Variants in OR51B5 observed in about 807,000 individuals in gnomAD.
OR51B5 encodes the protein olfactory receptor 51B5.
For synonymous variants in OR51B5, 186 were observed against 144.8 expected (o/e 1.28, Z -2.04); for missense variants, 456 against 374.6 (o/e 1.22, Z -1.79).
chr11:5,466,500 T>A (rs537809088), intron 1 of OR51B5, among the ~76,000 whole-genome samples: 2 of 152,268 alleles, frequency 1.3e-5, no homozygotes, highest in South Asian at 4.1e-4. Flanking sequence ...GACACTGAAA[T>A]GTTAGCATTA....
intron 1 of OR51B5, among the ~76,000 whole-genome samples, chr11:5,443,724 A>G (rs537857072): frequency 6.6e-6 from 1 of 152,074 alleles, no homozygotes; most frequent in African/African-American, 2.4e-5. Context: ...CCATGGAGAA[A>G]ATTCCCCACC....
chr11:5,389,297 G>A (rs959186970), intron 1 of OR51B5: 2 of 1,111,888 alleles, frequency 1.8e-6, no homozygotes, highest in Non-Finnish European at 2.6e-6. Flanking sequence ...AATACTAAAG[G>A]TGATGATGAC....
intron 1 of OR51B5, among the ~76,000 whole-genome samples, chr11:5,485,651 A>C (rs2133811275): frequency 6.6e-6 from 1 of 151,986 alleles, no homozygotes; most frequent in Admixed American, 6.6e-5. Context: ...CTGCTTCCAA[A>C]CCCATCAGGC....
At chr11:5,492,471 G>T (rs943428831) in intron 1 of OR51B5, among the ~76,000 whole-genome samples, 2 of 151,978 alleles carry the variant, frequency 1.3e-5, no homozygotes, top group Admixed American at 1.3e-4. Context: ...TTGTGATTTA[G>T]ATTATTCTCT....
rs36189500 is a variant in OR51B5, at chr11:5,417,581, G to GA, written n.85-70672dup. On this transcript the variant is annotated intron_variant and non_coding_transcript_variant, in intron 1 of 4. Transcript: ENST00000415970. ...ACAATGAACTCAAACAAATTTACAAGAAAAAAAAAACCCCATCCAAAAGTG... is the reference window on the plus strand; with the variant it reads ...ACAATGAACTCAAACAAATTTACAAGAAAAAAAAAAACCCCATCCAAAAGTG... Among the ~76,000 whole-genome samples, 5,406 of 142,670 alleles carry GA rather than the reference G, an allele frequency of 0.038. 459 individuals are homozygous for GA. The East Asian group carries it at 0.39, about 10-fold the overall frequency. The allele number at this position is 142,670 out of a possible 152,430, so 93.6% of individuals were successfully genotyped here.
chr11:5,465,184 C>T (rs1343039833), intron 1 of OR51B5, among the ~76,000 whole-genome samples: 15 of 107,006 alleles, frequency 1.4e-4, no homozygotes, highest in Admixed American at 5.9e-4. Flanking sequence ...CCAGCCTGGG[C>T]GACAGAGCGA....
At chr11:5,431,534 C>G (rs920399504) in intron 1 of OR51B5, 5 of 159,322 alleles carry the variant, frequency 3.1e-5, no homozygotes, top group African/African-American at 1.2e-4. Flanking sequence ...CATGTTGGGC[C>G]TCCAGTCCTG....
chr11:5,422,093 CATTT>C (rs1850348029), intron 1 of OR51B5: 1 of 895,808 alleles, frequency 1.1e-6, no homozygotes. Context: ...CAACTCTGAA[CATTT>C]ATTTGTGTAG....
chr11:5,354,243 T>C (rs1240372093), intron 1 of OR51B5, among the ~76,000 whole-genome samples: 2 of 152,224 alleles, frequency 1.3e-5, no homozygotes, highest in Non-Finnish European at 2.9e-5. Context: ...CTTGGGCTTT[T>C]GGGAATGAAT....
intron 1 of OR51B5, among the ~76,000 whole-genome samples, chr11:5,370,586 G>A (rs1849432587): frequency 6.6e-6 from 1 of 152,034 alleles, no homozygotes; most frequent in Non-Finnish European, 1.5e-5. Context: ...ATGAATAATA[G>A]AATAACTAAA....
At chr11:5,435,550 T>C (rs1408419206) in intron 1 of OR51B5, among the ~76,000 whole-genome samples, 1 of 152,240 alleles carries the variant, frequency 6.6e-6, no homozygotes, top group Non-Finnish European at 1.5e-5. Flanking sequence ...CAGGGTCAAA[T>C]ACCTAACAGA....
chr11:5,451,931 AAAC>A (rs1024536063), intron 1 of OR51B5, among the ~76,000 whole-genome samples: 45 of 152,240 alleles, frequency 3.0e-4, no homozygotes, highest in African/African-American at 1.1e-3. Context: ...AAAACAGAAT[AAAC>A]AATACAATCA....
chr11:5,488,129 T>A (rs1283483153), intron 1 of OR51B5, among the ~76,000 whole-genome samples: 1 of 152,144 alleles, frequency 6.6e-6, no homozygotes, highest in Non-Finnish European at 1.5e-5. Flanking sequence ...ACAAATACAG[T>A]CATGGGCAGT....
chr11:5,345,813 G>A (rs940186254), upstream of OR51B5: 1 of 152,176 alleles, frequency 6.6e-6, no homozygotes, highest in Non-Finnish European at 1.5e-5. Flanking sequence ...AATAGTTTCA[G>A]TGAAGAGATG....
intron 1 of OR51B5, among the ~76,000 whole-genome samples, chr11:5,350,003 C>G (rs1175149280): frequency 2.0e-5 from 3 of 152,044 alleles, no homozygotes; most frequent in Non-Finnish European, 4.4e-5. Flanking sequence ...TATATCTGTT[C>G]CCAAGGCTTC....
intron 1 of OR51B5, chr11:5,453,907 T>C (rs564995083): frequency 1.9e-6 from 3 of 1,614,198 alleles, no homozygotes; most frequent in Admixed American, 3.3e-5. Flanking sequence ...ACCACTGAAG[T>C]CATTGCTGCA....
chr11:5,341,655 A>T (rs2133675862), downstream of OR51B5, among the ~76,000 whole-genome samples: 1 of 152,338 alleles, frequency 6.6e-6, no homozygotes, highest in East Asian at 1.9e-4. Context: ...TATTACATGG[A>T]ATCAGAATGT....
In OR51B5 at chr11:5,376,806, T is replaced by A. The variant is rs1849535589; in HGVS notation, n.85-29896A>T. Among the ~76,000 whole-genome samples, 8 of 151,080 alleles carry A rather than the reference T, an allele frequency of 5.3e-5. No individual in the cohort carries two copies. In the South Asian group the frequency reaches 1.7e-3, roughly 32 times the overall value. On this transcript the variant is annotated intron_variant and non_coding_transcript_variant, in intron 1 of 4. Coordinates refer to the OR51B5 transcript ENST00000415970. ...AGACCAATAACAGGATCTGAAATTG[T>A]GGCAATAATCAATAGCTTACCAACC...
chr11:5,389,324 A>G, intron 1 of OR51B5: 2 of 1,377,810 alleles, frequency 1.5e-6, no homozygotes, highest in South Asian at 2.6e-5. Context: ...ACTGCTTGTG[A>G]TGTTGTGAAT....
Sources: allele counts gnomAD v4.1 joint callset (sites outside exome capture counted in the v4.1 genomes callset), GRCh38; gene constraint gnomAD v4.1.1; transcripts MANE v1.5; gene names NCBI Gene and HGNC (gene_info 2026-07-23, HGNC 2026-07-21).